ATP11B: variants seen among roughly 807,000 people sequenced by gnomAD.
ATP11B encodes phospholipid-transporting ATPase IF.
In ATP11B, 81 loss-of-function variants were observed where a neutral mutation model predicts 157.8. That is an observed-to-expected ratio of 0.51 (90% confidence interval 0.43 to 0.62). The LOEUF (loss-of-function observed/expected upper bound fraction) is 0.62, where lower values mean the gene tolerates loss of function less well. Ranked by LOEUF, ATP11B falls within the 20% of genes least tolerant of loss-of-function variation. The pLI, the probability that ATP11B is intolerant of heterozygous loss-of-function variation, is 0.00. For synonymous variants in ATP11B, 451 were observed against 469.4 expected (o/e 0.96, Z 0.51); for missense variants, 1,165 against 1,402.2 (o/e 0.83, Z 2.70).
At chr3:182,829,835 G>A (rs939378262) in intron 4 of ATP11B, 83 bp downstream of exon 4, 26 of 1,407,532 alleles carry the variant, frequency 1.8e-5, no homozygotes, top group Non-Finnish European at 2.4e-5. Flanking sequence ...AACATTTATT[G>A]TTGTGAAAAT....
At chr3:182,888,826 G>A (rs1336197799) in intron 24 of ATP11B, among the ~76,000 whole-genome samples, 1 of 151,348 alleles carries the variant, frequency 6.6e-6, no homozygotes, top group Non-Finnish European at 1.5e-5. Flanking sequence ...GGGATTACAG[G>A]CATGAGCCAC....
intron 28 of ATP11B, chr3:182,905,741 G>C (rs116528260): frequency 0.012 from 5,487 of 456,480 alleles, 56 homozygotes; most frequent in Non-Finnish European, 0.017. Flanking sequence ...ACCTCTATAT[G>C]GTGAAGAGTA....
At chr3:182,872,585 T>A (rs1448824283) in intron 18 of ATP11B, 48 bp downstream of exon 18, 5 of 1,444,602 alleles carry the variant, frequency 3.5e-6, no homozygotes, top group East Asian at 2.3e-5. Context: ...CATAGGAATT[T>A]TTGTAACCAA....
At chr3:182,889,658 A>G (rs1723045213) in intron 25 of ATP11B, 110 bp downstream of exon 25, 1 of 995,984 alleles carries the variant, frequency 1.0e-6, no homozygotes, top group Non-Finnish European at 1.4e-6. Context: ...AAGTATTAAA[A>G]TGCAAATATA....
intron 28 of ATP11B, among the ~76,000 whole-genome samples, chr3:182,901,354 C>A (rs185364948): frequency 0.28 from 37,565 of 136,424 alleles, 5,386 homozygotes; most frequent in East Asian, 0.53. Context: ...AAAAAAAAAA[C>A]AAAAAAAAAA....
intron 7 of ATP11B, among the ~76,000 whole-genome samples, chr3:182,839,270 C>T (rs1287548472): frequency 6.6e-6 from 1 of 152,062 alleles, no homozygotes; most frequent in Non-Finnish European, 1.5e-5. Context: ...CACACTGGGG[C>T]ATACTGGAGG....
intron 12 of ATP11B, among the ~76,000 whole-genome samples, chr3:182,863,719 A>G (rs1393187141): frequency 1.3e-5 from 2 of 151,922 alleles, no homozygotes; most frequent in Non-Finnish European, 2.9e-5. Flanking sequence ...ATATATATAT[A>G]TACTTTTAAA....
At chr3:182,855,125 G>C (rs1577027274) in intron 10 of ATP11B, among the ~76,000 whole-genome samples, 1 of 152,128 alleles carries the variant, frequency 6.6e-6, no homozygotes, top group Non-Finnish European at 1.5e-5. Flanking sequence ...AATAAAGTGA[G>C]AAGAATTGCT....
At chr3:182,830,964 A>G (rs1365986720) in intron 4 of ATP11B, among the ~76,000 whole-genome samples, 1 of 152,146 alleles carries the variant, frequency 6.6e-6, no homozygotes, top group African/African-American at 2.4e-5. Flanking sequence ...ACAAAGTAAC[A>G]TGTTTGTCCT....
At chr3:182,916,536 C>T (rs150708273) in intron 29 of ATP11B, 1 of 985,204 alleles carries the variant, frequency 1.0e-6, no homozygotes, top group East Asian at 1.1e-4. Flanking sequence ...AAGAATATGC[C>T]ATGTTGCACC....
At chr3:182,833,483 A>G (rs1380076536) in intron 4 of ATP11B, among the ~76,000 whole-genome samples, 1 of 151,948 alleles carries the variant, frequency 6.6e-6, no homozygotes, top group African/African-American at 2.4e-5. Flanking sequence ...GTGCCACCAC[A>G]CCCAGCTAAT....
At chr3:182,875,227 C>G (rs1721945330) in intron 19 of ATP11B, among the ~76,000 whole-genome samples, 1 of 152,086 alleles carries the variant, frequency 6.6e-6, no homozygotes, top group South Asian at 2.1e-4. Flanking sequence ...CTGCAGGTTT[C>G]TGTTGTTTGC....
In ATP11B at chr3:182,848,500, A is replaced by C; in HGVS notation, c.794A>C (p.Glu265Ala). 1 of 1,580,532 alleles carries C rather than the reference A, an allele frequency of 6.3e-7. No homozygotes were observed. The highest frequency in any genetic ancestry group is 8.6e-7 in the Non-Finnish European group (1 of 1,163,002). Reference sequence around the variant, plus strand: ...GGTGTTGCGGTATACACTGGAATGGAAACTAAGATGGCATTAAATTACAAG... The same window carrying C: ...GGTGTTGCGGTATACACTGGAATGGCAACTAAGATGGCATTAAATTACAAG... ...IFGVAVYTGM[E>A]TKMALNYKSK... Residue 265 changes from glutamate to alanine, a missense_variant, in exon 10 of 30, where the codon GAA (glutamate) becomes GCA (alanine). Transcript: ENST00000323116.
At chr3:182,853,840 C>T (rs1341434852) in intron 10 of ATP11B, among the ~76,000 whole-genome samples, 1 of 151,990 alleles carries the variant, frequency 6.6e-6, no homozygotes, top group Admixed American at 6.5e-5. Flanking sequence ...TATTCAGATG[C>T]ACAGCAAAAA....
chr3:182,890,485 A>G (rs946549298), intron 25 of ATP11B, among the ~76,000 whole-genome samples: 1 of 152,232 alleles, frequency 6.6e-6, no homozygotes, highest in African/African-American at 2.4e-5. Context: ...TGAAAAGGAT[A>G]CAGAAAATGA....
chr3:182,859,236 G>C lies in ATP11B; in HGVS notation c.1077G>C (p.Val359=), dbSNP rs1373312226. Reference sequence around the variant, plus strand: ...TCATCATTCCAATTTCATTATATGTGACAGTCGAAATGCAGAAATTTCTTG... The same window carrying C: ...TCATCATTCCAATTTCATTATATGTCACAGTCGAAATGCAGAAATTTCTTG... The part of the protein sequence containing the change: ...YNFIIPISLY[V]TVEMQKFLGS... The change falls in exon 12 of 30, where the codon GTG becomes GTC. Residue 359 remains valine, a synonymous_variant. Coordinates refer to ENST00000323116, the MANE Select transcript of ATP11B (RefSeq NM_014616.3). The C allele has an allele frequency of 6.2e-7, 1 of 1,612,550 alleles. No homozygotes were observed. The highest frequency in any genetic ancestry group is 1.1e-5 in the South Asian group (1 of 90,858).
intron 4 of ATP11B, among the ~76,000 whole-genome samples, chr3:182,831,278 C>T (rs1254520781): frequency 6.6e-6 from 1 of 152,160 alleles, no homozygotes; most frequent in Non-Finnish European, 1.5e-5. Context: ...CATCCTTTGA[C>T]TGTTCTGTTT....
chr3:182,869,224 C>G lies in ATP11B; in HGVS notation c.1763-4C>G. On this transcript the variant is annotated splice_region_variant and splice_polypyrimidine_tract_variant and intron_variant, in intron 16 of 29. Coordinates refer to ENST00000323116, the MANE Select transcript of ATP11B (RefSeq NM_014616.3). ...GTCTGATAACTCATTTTTTTTGTCT[C>G]TAGGTGAGAAGTTATTATTTGCTAA... 1 of 1,603,200 alleles carries G rather than the reference C, an allele frequency of 6.2e-7. No individual in the cohort carries two copies. Among genetic ancestry groups the G allele is most frequent in the East Asian group, 2.2e-5 (1 of 44,634 alleles).
chr3:182,846,452 C>T (rs1435522989), intron 9 of ATP11B, among the ~76,000 whole-genome samples: 1 of 152,116 alleles, frequency 6.6e-6, no homozygotes, highest in African/African-American at 2.4e-5. Flanking sequence ...AATTATATGA[C>T]TTAATGATCC....
Sources: gnomAD v4.1 joint callset for allele counts (sites outside exome capture counted in the v4.1 genomes callset) on GRCh38, gnomAD v4.1.1 for gene constraint, MANE v1.5 for transcripts, NCBI Gene and HGNC (gene_info 2026-07-23, HGNC 2026-07-21) for gene names.